Variants in EPHB3 observed in about 807,000 individuals in gnomAD.
The protein encoded by EPHB3 is ephrin type-B receptor 3.
A neutral mutation model predicts 100.2 loss-of-function variants in EPHB3; 33 were observed. The observed-to-expected ratio is 0.33, with a 90% confidence interval of 0.25 to 0.44. EPHB3 has a LOEUF of 0.44. Ranked by LOEUF, EPHB3 falls within the 20% of genes least tolerant of loss-of-function variation. The probability of loss-of-function intolerance (pLI) is 1.00; values close to 1 mark genes in which losing one functional copy is unlikely to be tolerated. For synonymous variants in EPHB3, 526 were observed against 554.7 expected, an observed-to-expected ratio of 0.95 and a Z score of 0.73; for missense variants, 1,045 against 1,378.3, an observed-to-expected ratio of 0.76 and a Z score of 3.83.
Position 184,578,075 on chromosome 3 carries a change from G to A in EPHB3, c.1748+69G>A, listed in dbSNP as rs993438583. On this transcript the variant is annotated intron_variant, in intron 8 of 15. Transcript: ENST00000330394. The surrounding 1 kb of genome is among the most constrained non-coding windows in gnomAD (Gnocchi z 4.7). The stretch of plus-strand genomic sequence containing the variant: ...CCCTTTAGCATCCTAGAGCCCTCAT[G>A]CCACAGAGATGAGCCGCCACCACTT... 6.5e-7 allele frequency: 1 copy of A among 1,535,034 alleles called. No homozygotes were observed. Among genetic ancestry groups the A allele is most frequent in the Non-Finnish European group, 8.9e-7 (1 of 1,125,030 alleles).
At position 184,577,289 on chromosome 3, in the gene EPHB3, T is replaced by C; in HGVS notation, c.1355-54T>C. 6.3e-7 allele frequency: 1 copy of C among 1,596,678 alleles called. No individual in the cohort carries two copies. Among genetic ancestry groups the C allele is most frequent in the Admixed American group, 1.7e-5 (1 of 58,224 alleles). ...GGGGGTCCCATGGGAAGTGGGTCTT[T>C]GGGAAGGATGCCAGGGTCCAGGGAG... On this transcript the variant is annotated intron_variant, in intron 5 of 15. Coordinates refer to ENST00000330394, the MANE Select transcript of EPHB3 (RefSeq NM_004443.4). This position sits in a 1 kb window ranked among gnomAD's most constrained non-coding sequence, Gnocchi z 4.9.
chr3:184,562,592 C>G lies in EPHB3; in HGVS notation c.118+239C>G, dbSNP rs1010481981. The stretch of plus-strand genomic sequence containing the variant: ...GGGTCGCGGGGAGCTAGACTCGGGA[C>G]GAACGTCCCCCAGAGTCCTGGCCCT... On this transcript the variant is annotated intron_variant, in intron 1 of 15. Transcript: ENST00000330394. The surrounding 1 kb of genome is among the most constrained non-coding windows in gnomAD (Gnocchi z 4.8). Among the ~76,000 whole-genome samples, 3 of 152,046 alleles carry G rather than the reference C, an allele frequency of 2.0e-5. No individual in the cohort carries two copies. The highest frequency in any genetic ancestry group is 4.4e-5 in the Non-Finnish European group (3 of 67,960).
chr3:184,581,322 G>C lies in EPHB3; in HGVS notation c.2802G>C (p.Leu934=), dbSNP rs755574550. ...CCTTCACGACAGTTGGTGATTGGCTGGATGCCATCAAGATGGGGCGGTACA... is the reference window on the plus strand; with the variant it reads ...CCTTCACGACAGTTGGTGATTGGCTCGATGCCATCAAGATGGGGCGGTACA... ...YTTFTTVGDW[L]DAIKMGRYKE... Residue 934 remains leucine, a synonymous_variant, in exon 15 of 16, where the codon CTG becomes CTC. Coordinates refer to ENST00000330394, the MANE Select transcript of EPHB3 (RefSeq NM_004443.4). 6.2e-7 allele frequency: 1 copy of C among 1,610,382 alleles called. No homozygotes were observed. The highest frequency in any genetic ancestry group is 1.1e-5 in the South Asian group (1 of 90,296).
In EPHB3 at chr3:184,579,643, C is replaced by G. The variant is rs761485567; in HGVS notation, c.1924+44C>G. On this transcript the variant is annotated intron_variant, in intron 10 of 15. Coordinates refer to ENST00000330394, the MANE Select transcript of EPHB3 (RefSeq NM_004443.4). The surrounding 1 kb of genome is among the most constrained non-coding windows in gnomAD (Gnocchi z 5.2). ...AGTAGAGATGAGAAGCTGAGGCGGGCTGGGTACAGGAGTGAGTCATAGCTT... is the reference window on the plus strand; with the variant it reads ...AGTAGAGATGAGAAGCTGAGGCGGGGTGGGTACAGGAGTGAGTCATAGCTT... 9.9e-6 allele frequency: 16 copies of G among 1,611,948 alleles called. No homozygotes were observed. Among genetic ancestry groups the G allele is most frequent in the Non-Finnish European group, 1.3e-5 (15 of 1,178,548 alleles).
At chr3:184,568,935 C>T (rs958266457) in intron 1 of EPHB3, among the ~76,000 whole-genome samples, 2 of 147,956 alleles carry the variant, frequency 1.4e-5, no homozygotes, top group African/African-American at 5.0e-5. Context: ...TGAAGAGCCT[C>T]CCTGCCTCCC....
rs774604679 is a variant in EPHB3, at chr3:184,581,582, T to C, written c.2957T>C (p.Met986Thr). 9 of 1,613,648 alleles carry C rather than the reference T, an allele frequency of 5.6e-6. No homozygotes were observed. Among genetic ancestry groups the C allele is most frequent in the Non-Finnish European group, 5.9e-6 (7 of 1,179,892 alleles). The change falls in exon 16 of 16, where the codon ATG becomes ACG. Residue 986 changes from methionine (M) to threonine (T), a missense_variant. By Grantham distance (81) the Met-to-Thr change is moderately conservative (BLOSUM62 -1). Transcript: ENST00000330394. The part of the protein sequence containing the change: ...QKKILSSIQD[M>T]RLQMNQTLPV... ...AAGATCCTGAGCAGTATCCAGGACA[T>C]GCGGCTGCAGATGAACCAGACGCTG...
chr3:184,567,620 G>A (rs1219144008), intron 1 of EPHB3, among the ~76,000 whole-genome samples: 2 of 152,180 alleles, frequency 1.3e-5, no homozygotes, highest in Non-Finnish European at 2.9e-5. Flanking sequence ...ATATTTCAGT[G>A]TCATTGGACA....
In EPHB3 at chr3:184,562,863, CG is replaced by C. The variant is rs1239825355; in HGVS notation, c.118+515del. Among the ~76,000 whole-genome samples, 1 of 152,188 alleles carries C rather than the reference CG, an allele frequency of 6.6e-6. No homozygotes were observed. Among genetic ancestry groups the C allele is most frequent in the Non-Finnish European group, 1.5e-5 (1 of 68,026 alleles). On this transcript the variant is annotated intron_variant, in intron 1 of 15. Coordinates refer to ENST00000330394, the MANE Select transcript of EPHB3 (RefSeq NM_004443.4). This position sits in a 1 kb window ranked among gnomAD's most constrained non-coding sequence, Gnocchi z 4.8. ...GGGGACCGCTGCGGGGGCGGACAGGCGGGGGCCTGTTATTGTTTATGGTTTA... is the reference window on the plus strand; with the variant it reads ...GGGGACCGCTGCGGGGGCGGACAGGCGGGGCCTGTTATTGTTTATGGTTTA...
In EPHB3 at chr3:184,569,525, G is replaced by A. The variant is rs2108435653; in HGVS notation, c.119-1793G>A. Among the ~76,000 whole-genome samples the A allele has an allele frequency of 6.6e-6, 1 of 152,156 alleles. No homozygotes were observed. Among genetic ancestry groups the A allele is most frequent in the African/African-American group, 2.4e-5 (1 of 41,478 alleles). ...GCTTCTGAGCATCTCGGCTTCCCTC[G>A]AGTACCCCCCAGGCCGAATGTCTGT... On this transcript the variant is annotated intron_variant, in intron 1 of 15. Transcript: ENST00000330394. The surrounding 1 kb of genome is among the most constrained non-coding windows in gnomAD (Gnocchi z 5.4).
In EPHB3 at chr3:184,571,656, C is replaced by T. The variant is rs1714542930; in HGVS notation, c.183+274C>T. 6.6e-6 allele frequency among the ~76,000 whole-genome samples: 1 copy of T among 152,138 alleles called. No homozygotes were observed. Among genetic ancestry groups the T allele is most frequent in the South Asian group, 2.1e-4 (1 of 4,818 alleles). ...CTCTCCCTCTCTTCCTAACAGCCCT[C>T]TGCATGTCCATCCCCACCATCTCCC... On this transcript the variant is annotated intron_variant, in intron 2 of 15. Transcript: ENST00000330394. The surrounding 1 kb of genome is among the most constrained non-coding windows in gnomAD (Gnocchi z 5.0).
rs908614347 is a variant in EPHB3 at position 184,575,079 on chromosome 3, T to C, written c.857-751T>C. 10 of 926,408 alleles carry C rather than the reference T, an allele frequency of 1.1e-5. No homozygotes were observed. In the African/African-American group the frequency reaches 1.6e-4, roughly 15 times the overall value. 57.4% of individuals were successfully genotyped at this position (926,408 alleles called of 1,614,324 possible). A position where few individuals can be genotyped will look rare whatever the true frequency, so the allele number is the denominator to read the frequency against. On this transcript the variant is annotated intron_variant, in intron 3 of 15. Coordinates refer to ENST00000330394, the MANE Select transcript of EPHB3 (RefSeq NM_004443.4). ...CTCCTTTGACTTGCAAATGTTCCAG[T>C]GTGAAGAATACACGATAAGGCTACC...
At position 184,579,583 on chromosome 3, in the gene EPHB3, G is replaced by A; in HGVS notation, c.1908G>A (p.Glu636=). 6.2e-7 allele frequency: 1 copy of A among 1,614,082 alleles called. No homozygotes were observed. The highest frequency in any genetic ancestry group is 2.2e-5 in the East Asian group (1 of 44,858). ...KEIDVSCVKI[E]EVIGAGEFGE... ...TCGACGTGTCCTGCGTCAAGATCGAGGAGGTGATCGGAGCTGGTGAGTCTC... is the reference window on the plus strand; with the variant it reads ...TCGACGTGTCCTGCGTCAAGATCGAAGAGGTGATCGGAGCTGGTGAGTCTC... The change falls in exon 10 of 16, where the codon GAG becomes GAA. Residue 636 remains glutamate (E), a synonymous_variant. Transcript: ENST00000330394. This position sits in a 1 kb window ranked among gnomAD's most constrained non-coding sequence, Gnocchi z 5.2.
In EPHB3 at chr3:184,577,406, G is replaced by A; in HGVS notation, c.1418G>A (p.Trp473Ter). Reference protein sequence around the residue: ...SSSGSSLTLSWAPPERPNGVI... With the variant: ...SSSGSSLTLS ...TCAGGCAGCAGCCTCACCCTATCCT[G>A]GGCACCCCCAGAGCGGCCCAACGGA... Residue 473 changes from tryptophan (W) to a stop codon, truncating the protein, a stop_gained, in exon 6 of 16, where the codon TGG (tryptophan) becomes TAG (stop). Transcript: ENST00000330394. LOFTEE classifies it high-confidence loss of function. The surrounding 1 kb of genome is among the most constrained non-coding windows in gnomAD (Gnocchi z 4.9). 1 of 1,613,990 alleles carries A rather than the reference G, an allele frequency of 6.2e-7. No individual in the cohort carries two copies. The highest frequency in any genetic ancestry group is 1.7e-5 in the Admixed American group (1 of 60,014).
Position 184,580,850 on chromosome 3 carries a change from G to A in EPHB3, c.2510G>A (p.Arg837Gln), listed in dbSNP as rs1235401341. 10 of 1,614,038 alleles carry A rather than the reference G, an allele frequency of 6.2e-6. No homozygotes were observed. Among genetic ancestry groups the A allele is most frequent in the Non-Finnish European group, 8.5e-6 (10 of 1,180,000 alleles). ...VMWEVMSYGE[R>Q]PYWDMSNQDV... is the part of the protein sequence containing the mutation. ...TGGGAGGTCATGAGCTATGGAGAGC[G>A]ACCCTACTGGGACATGAGCAACCAG... Residue 837 changes from arginine to glutamine, a missense_variant, in exon 13 of 16, where the codon CGA (arginine) becomes CAA (glutamine). This residue lies in a region of EPHB3 where 985 missense variants were observed against 1,331.1 expected (regional missense o/e 0.74). Transcript: ENST00000330394.
intron 3 of EPHB3, among the ~76,000 whole-genome samples, chr3:184,574,572 G>A (rs772371449): frequency 2.6e-5 from 4 of 152,248 alleles, no homozygotes; most frequent in Non-Finnish European, 4.4e-5. Context: ...CTGAGGGGTA[G>A]GTGATGACTC....
intron 3 of EPHB3, among the ~76,000 whole-genome samples, chr3:184,574,044 T>C (rs1010052341): frequency 6.6e-6 from 1 of 152,156 alleles, no homozygotes; most frequent in Non-Finnish European, 1.5e-5. Flanking sequence ...GTTTGAACCT[T>C]GGTTTCCTTA....
intron 1 of EPHB3, among the ~76,000 whole-genome samples, chr3:184,568,817 T>C (rs1714462183): frequency 6.6e-6 from 1 of 152,192 alleles, no homozygotes; most frequent in Non-Finnish European, 1.5e-5. Flanking sequence ...CCTCTCTTCA[T>C]TAATGGGAAA....
rs1714315478 is a variant in EPHB3, at chr3:184,563,707, G to C, written c.118+1354G>C. The stretch of plus-strand genomic sequence containing the variant: ...CACACTCACCCACATGTGTGTGATA[G>C]GATCGCAGGCGTGAGAACCCAGTGT... On this transcript the variant is annotated intron_variant, in intron 1 of 15. Coordinates refer to ENST00000330394, the MANE Select transcript of EPHB3 (RefSeq NM_004443.4). The surrounding 1 kb of genome is among the most constrained non-coding windows in gnomAD (Gnocchi z 4.1). Among the ~76,000 whole-genome samples, 1 of 152,214 alleles carries C rather than the reference G, an allele frequency of 6.6e-6. No homozygotes were observed. The highest frequency in any genetic ancestry group is 6.5e-5 in the Admixed American group (1 of 15,290).
At position 184,577,252 on chromosome 3, in the gene EPHB3, T is replaced by G; in HGVS notation, c.1354+69T>G. Reference sequence around the variant, plus strand: ...CTGGATGAGGTGTCCCAGGACCTGCTAAGGGACCACTGGGGGTCCCATGGG... The same window carrying G: ...CTGGATGAGGTGTCCCAGGACCTGCGAAGGGACCACTGGGGGTCCCATGGG... On this transcript the variant is annotated intron_variant, in intron 5 of 15. Coordinates refer to ENST00000330394, the MANE Select transcript of EPHB3 (RefSeq NM_004443.4). The surrounding 1 kb of genome is among the most constrained non-coding windows in gnomAD (Gnocchi z 4.9). The G allele has an allele frequency of 6.3e-7, 1 of 1,580,112 alleles. No homozygotes were observed. Among genetic ancestry groups the G allele is most frequent in the South Asian group, 1.2e-5 (1 of 85,404 alleles).
Sources: gnomAD v4.1 joint callset for allele counts (sites outside exome capture counted in the v4.1 genomes callset) on GRCh38, gnomAD v4.1.1 for gene constraint, gnomAD v4.1.1 regional missense constraint, Gnocchi (gnomAD v3.1) non-coding constraint, MANE v1.5 for transcripts, NCBI Gene and HGNC (gene_info 2026-07-23, HGNC 2026-07-21) for gene names.